PAN3: variants seen among roughly 807,000 people sequenced by gnomAD.
PAN3 encodes PAN2-PAN3 deadenylation complex subunit PAN3.
A neutral mutation model predicts 96.2 loss-of-function variants in PAN3; 19 were observed. That is an observed-to-expected ratio of 0.20 (90% CI 0.14 to 0.29). PAN3 has a LOEUF of 0.29. PAN3 is among the 10% of genes least tolerant of loss of function. The pLI, the probability that PAN3 is intolerant of heterozygous loss-of-function variation, is 1.00. For missense variants in PAN3, 882 were observed against 1,108.1 expected (o/e 0.80, Z 2.90); for synonymous variants, 433 against 406.6 (o/e 1.06, Z -0.78).
intron 1 of PAN3, among the ~76,000 whole-genome samples, chr13:28,141,006 T>TTTATTTTTA (rs200747743): frequency 1.3e-4 from 19 of 142,784 alleles, no homozygotes; most frequent in South Asian, 4.6e-4. Flanking sequence ...AGAGACACTT[T>TTTATTTTTA]TTTTTTTTTT....
chr13:28,282,994 T>C (rs1269891682), intron 17 of PAN3, among the ~76,000 whole-genome samples: 1 of 152,162 alleles, frequency 6.6e-6, no homozygotes, highest in Admixed American at 6.5e-5. Flanking sequence ...TATTCTACTT[T>C]CACACATTAT....
In PAN3 at chr13:28,292,720, G is replaced by A. The variant is rs1869907311; in HGVS notation, c.*198G>A. On this transcript the variant is annotated 3_prime_UTR_variant, in exon 19 of 19. Coordinates refer to ENST00000380958, the MANE Select transcript of PAN3 (RefSeq NM_175854.8). ...TACCCAAGAGCTATGGCTGCCATTG[G>A]AGGCTGTTATCTGTGAAGAATTTAT... The A allele has an allele frequency of 9.7e-6, 4 of 411,424 alleles. No homozygotes were observed. Among genetic ancestry groups the A allele is most frequent in the Non-Finnish European group, 1.7e-5 (4 of 237,598 alleles). 25.5% of individuals were successfully genotyped at this position (411,424 alleles called of 1,614,324 possible).
At chr13:28,222,246 G>A (rs1203137970) in intron 6 of PAN3, among the ~76,000 whole-genome samples, 18 of 152,090 alleles carry the variant, frequency 1.2e-4, no homozygotes, top group Admixed American at 3.9e-4. Context: ...TTATTTGGAG[G>A]TAGGTATATT....
chr13:28,233,515 C>T (rs1162958739), intron 6 of PAN3, among the ~76,000 whole-genome samples: 2 of 152,090 alleles, frequency 1.3e-5, no homozygotes, highest in East Asian at 1.9e-4. Context: ...GATCTGCCCA[C>T]CTCGGCCTCC....
chr13:28,258,805 T>C (rs1020461784), intron 7 of PAN3, among the ~76,000 whole-genome samples: 3 of 152,182 alleles, frequency 2.0e-5, no homozygotes, highest in South Asian at 2.1e-4. Flanking sequence ...GTCCCTGATA[T>C]AGAATGACAT....
chr13:28,244,879 T>C (rs1049411882), intron 6 of PAN3, among the ~76,000 whole-genome samples: 1 of 152,108 alleles, frequency 6.6e-6, no homozygotes, highest in Non-Finnish European at 1.5e-5. Context: ...GATGGAGTCT[T>C]GCTGTGTCGC....
At chr13:28,220,486 A>G in intron 6 of PAN3, 108 bp downstream of exon 6, 3 of 1,323,964 alleles carry the variant, frequency 2.3e-6, no homozygotes, top group Non-Finnish European at 3.0e-6. Context: ...TTCACATTTG[A>G]ACATTAAGAG....
intron 4 of PAN3, among the ~76,000 whole-genome samples, chr13:28,182,524 T>G (rs1010396538): frequency 1.3e-5 from 2 of 152,240 alleles, no homozygotes; most frequent in Non-Finnish European, 2.9e-5. Flanking sequence ...TTTTCACTTC[T>G]GTAAATTTTT....
chr13:28,174,706 T>G (rs1874736731), intron 2 of PAN3, among the ~76,000 whole-genome samples: 1 of 152,200 alleles, frequency 6.6e-6, no homozygotes, highest in African/African-American at 2.4e-5. Context: ...AATTATGTTT[T>G]AAGCAGGTTA....
At chr13:28,227,192 C>T (rs1017103856) in intron 6 of PAN3, among the ~76,000 whole-genome samples, 1 of 152,136 alleles carries the variant, frequency 6.6e-6, no homozygotes, top group East Asian at 1.9e-4. Flanking sequence ...TGAGGCGAGA[C>T]GTTTATGGCG....
intron 6 of PAN3, among the ~76,000 whole-genome samples, chr13:28,237,704 G>A (rs1251448097): frequency 6.6e-6 from 1 of 152,136 alleles, no homozygotes; most frequent in Non-Finnish European, 1.5e-5. Flanking sequence ...AATTAACTTT[G>A]TATCCCTCAA....
At chr13:28,180,445 A>G (rs1055070008) in intron 4 of PAN3, among the ~76,000 whole-genome samples, 9 of 152,210 alleles carry the variant, frequency 5.9e-5, no homozygotes, top group African/African-American at 2.2e-4. Context: ...TCAAATCTCA[A>G]AATCTCTTTA....
intron 7 of PAN3, among the ~76,000 whole-genome samples, chr13:28,257,270 CA>C (rs2138591761): frequency 6.6e-6 from 1 of 152,162 alleles, no homozygotes; most frequent in Non-Finnish European, 1.5e-5. Context: ...GAACAGGAGT[CA>C]GGGGGCGAGA....
chr13:28,220,524 G>A (rs560234906), intron 6 of PAN3, 146 bp downstream of exon 6: 2 of 922,712 alleles, frequency 2.2e-6, no homozygotes, highest in South Asian at 3.6e-5. Context: ...TGGTACCATA[G>A]GCCAAATGTG....
At chr13:28,268,657 G>A (rs988645775) in intron 12 of PAN3, among the ~76,000 whole-genome samples, 1 of 152,058 alleles carries the variant, frequency 6.6e-6, no homozygotes, top group South Asian at 2.1e-4. Context: ...GCAGCATCAC[G>A]TTATTATGCT....
rs763399612 is a variant in PAN3, at chr13:28,177,923, T to C, written c.678T>C (p.Ser226=). 2 of 1,609,100 alleles carry C rather than the reference T, an allele frequency of 1.2e-6. No individual in the cohort carries two copies. Among genetic ancestry groups the C allele is most frequent in the Non-Finnish European group, 8.5e-7 (1 of 1,175,694 alleles). The part of the protein sequence containing the change: ...LFNDFGALNI[S]QRRKPRKYRL... ...ATGACTTTGGTGCCCTCAACATCTC[T>C]CAGAGACGAAAGGTAGGTGAAATTG... is the stretch of plus-strand genomic sequence containing the variant. The change falls in exon 4 of 19, where the codon TCT becomes TCC. Residue 226 remains serine (S), a synonymous_variant. Coordinates refer to ENST00000380958, the MANE Select transcript of PAN3 (RefSeq NM_175854.8).
At chr13:28,224,269 G>T (rs150209112) in intron 6 of PAN3, among the ~76,000 whole-genome samples, 1 of 152,144 alleles carries the variant, frequency 6.6e-6, no homozygotes, top group Non-Finnish European at 1.5e-5. Flanking sequence ...CTAAGTCTTC[G>T]TGTACTTTAG....
chr13:28,206,315 C>CTTTTT lies in PAN3; in HGVS notation c.852+8989_852+8993dup, dbSNP rs71086837. ...GTTTTTGATAAGATCGTCTAACTGA[C>CTTTTT]TTTTTTTTTTTTTTTTTTTTTTTTG... On this transcript the variant is annotated intron_variant, in intron 5 of 18. Coordinates refer to ENST00000380958, the MANE Select transcript of PAN3 (RefSeq NM_175854.8). Among the ~76,000 whole-genome samples, 67 of 94,914 alleles carry CTTTTT rather than the reference C, an allele frequency of 7.1e-4. 1 individual carries two copies. Among genetic ancestry groups the CTTTTT allele is most frequent in the African/African-American group, 1.5e-3 (36 of 23,304 alleles). The allele number at this position is 94,914 out of a possible 152,430, so 62.3% of individuals were successfully genotyped here.
chr13:28,180,592 A>G (rs1372401572), intron 4 of PAN3, among the ~76,000 whole-genome samples: 1 of 152,250 alleles, frequency 6.6e-6, no homozygotes, highest in Non-Finnish European at 1.5e-5. Flanking sequence ...TTCCAAATTT[A>G]TCTCAGCAGG....
Sources: allele counts gnomAD v4.1 joint callset (sites outside exome capture counted in the v4.1 genomes callset), GRCh38; gene constraint gnomAD v4.1.1; transcripts MANE v1.5; gene names NCBI Gene and HGNC (gene_info 2026-07-23, HGNC 2026-07-21).